Variants in DSCAM observed in about 807,000 individuals in gnomAD.
DSCAM encodes DS cell adhesion molecule, also known as cell adhesion molecule DSCAM.
In DSCAM, 47 loss-of-function variants were observed where a neutral mutation model predicts 217.7. That is an observed-to-expected ratio of 0.22 (90% CI 0.17 to 0.28). The LOEUF (loss-of-function observed/expected upper bound fraction) is 0.28. DSCAM is among the 10% of genes least tolerant of loss of function. The pLI, the probability that DSCAM is intolerant of heterozygous loss-of-function variation, is 1.00. For synonymous variants in DSCAM, 1,056 were observed against 1,015.3 expected, an observed-to-expected ratio of 1.04 and a Z score of -0.76; for missense variants, 2,080 against 2,618.3, an observed-to-expected ratio of 0.79 and a Z score of 4.49.
rs1328693082 is a variant in DSCAM at position 40,072,552 on chromosome 21, G to GTA, written c.4888+2484_4888+2485insTA. On this transcript the variant is annotated intron_variant, in intron 27 of 32. Transcript: ENST00000400454. ...TTTAGTAGAGACGGGGTTTCACCATGTTAGCCAGGATGGTCTCGATCTCCT... is the reference window on the plus strand; with the variant it reads ...TTTAGTAGAGACGGGGTTTCACCATGTATTAGCCAGGATGGTCTCGATCTCCT... 3.9e-5 allele frequency among the ~76,000 whole-genome samples: 6 copies of GTA among 152,062 alleles called. No homozygotes were observed. In the South Asian group the frequency reaches 6.2e-4, roughly 16 times the overall value.
At chr21:40,410,282 A>G (rs1399886357) in intron 3 of DSCAM, among the ~76,000 whole-genome samples, 2 of 152,062 alleles carry the variant, frequency 1.3e-5, no homozygotes, top group Non-Finnish European at 2.9e-5. Context: ...GAACTCATAA[A>G]CAACAATAGA....
intron 11 of DSCAM, among the ~76,000 whole-genome samples, chr21:40,200,511 C>T (rs188425796): frequency 8.0e-4 from 122 of 152,334 alleles, no homozygotes; most frequent in Admixed American, 2.7e-3. Flanking sequence ...AATTATATTT[C>T]AAGATATGTG....
At chr21:40,810,252 G>C (rs2091826373) in intron 1 of DSCAM, among the ~76,000 whole-genome samples, 1 of 152,224 alleles carries the variant, frequency 6.6e-6, no homozygotes, top group African/African-American at 2.4e-5. Flanking sequence ...TGAGGAGCTA[G>C]AACGTTGCAC....
chr21:40,773,649 G>C (rs1305433339), intron 1 of DSCAM, among the ~76,000 whole-genome samples: 8 of 152,200 alleles, frequency 5.3e-5, no homozygotes, highest in Non-Finnish European at 1.0e-4. Context: ...GTGCCTACAA[G>C]CCAAGGTAAG....
intron 2 of DSCAM, among the ~76,000 whole-genome samples, chr21:40,701,828 T>A (rs2090659822): frequency 6.6e-6 from 1 of 152,136 alleles, no homozygotes; most frequent in Non-Finnish European, 1.5e-5. Context: ...TTATCTGAGA[T>A]TTGTTTTGTT....
intron 28 of DSCAM, among the ~76,000 whole-genome samples, chr21:40,058,228 C>A (rs1264846232): frequency 1.3e-5 from 2 of 152,062 alleles, no homozygotes; most frequent in African/African-American, 4.8e-5. Flanking sequence ...TTAGAACACA[C>A]TTCCCCTGCT....
chr21:40,825,698 G>C (rs2837839), intron 1 of DSCAM, among the ~76,000 whole-genome samples: 113,991 of 152,040 alleles, frequency 0.75, 42,844 homozygotes, highest in East Asian at 0.94. Flanking sequence ...AATTACATGG[G>C]TAGTCAACAA....
chr21:40,728,092 C>T (rs1467114142), intron 1 of DSCAM, among the ~76,000 whole-genome samples: 2 of 152,308 alleles, frequency 1.3e-5, no homozygotes, highest in Non-Finnish European at 2.9e-5. Flanking sequence ...ACTACTGCAG[C>T]GCCCCCTCCG....
chr21:40,230,832 T>C (rs1034954468), intron 11 of DSCAM, among the ~76,000 whole-genome samples: 26 of 152,096 alleles, frequency 1.7e-4, no homozygotes, highest in Non-Finnish European at 3.7e-4. Context: ...GAGTGTTCCA[T>C]ACTTATGATT....
intron 8 of DSCAM, among the ~76,000 whole-genome samples, chr21:40,324,730 A>G (rs1200381853): frequency 6.6e-6 from 1 of 152,222 alleles, no homozygotes; most frequent in African/African-American, 2.4e-5. Context: ...ATACCTTCAT[A>G]CAGAAGACTG....
chr21:40,257,322 T>C (rs1372641407), intron 11 of DSCAM, among the ~76,000 whole-genome samples: 1 of 152,240 alleles, frequency 6.6e-6, no homozygotes, highest in Non-Finnish European at 1.5e-5. Flanking sequence ...GCTATCCAAA[T>C]AGTTGTTGTA....
chr21:40,256,997 C>T (rs1224315555), intron 11 of DSCAM, among the ~76,000 whole-genome samples: 1 of 152,222 alleles, frequency 6.6e-6, no homozygotes, highest in Non-Finnish European at 1.5e-5. Context: ...TGGTGATGTT[C>T]ATGCCTCTCC....
chr21:40,384,973 C>T (rs899129276), intron 3 of DSCAM: 1 of 151,976 alleles, frequency 6.6e-6, no homozygotes, highest in Non-Finnish European at 1.5e-5. Context: ...ATAAATAAAA[C>T]TTTACAGAAA....
At chr21:40,290,405 G>A (rs540175899) in intron 10 of DSCAM, among the ~76,000 whole-genome samples, 4 of 152,166 alleles carry the variant, frequency 2.6e-5, no homozygotes, top group East Asian at 3.9e-4. Context: ...GGTGGATCAC[G>A]AGGTCAGGAG....
At chr21:40,341,692 C>T (rs998207593) in intron 6 of DSCAM, among the ~76,000 whole-genome samples, 1 of 152,154 alleles carries the variant, frequency 6.6e-6, no homozygotes, top group Non-Finnish European at 1.5e-5. Context: ...ATAGAGTATG[C>T]ACGCTTTATA....
chr21:40,412,167 C>G (rs2075329311), intron 3 of DSCAM, among the ~76,000 whole-genome samples: 1 of 152,198 alleles, frequency 6.6e-6, no homozygotes, highest in Admixed American at 6.5e-5. Flanking sequence ...AGTTAAACCT[C>G]TTGCTTTTGT....
intron 10 of DSCAM, among the ~76,000 whole-genome samples, chr21:40,289,425 A>C (rs892662932): frequency 2.6e-5 from 4 of 152,282 alleles, no homozygotes; most frequent in Middle Eastern, 3.4e-3. Context: ...GCATTTGTAC[A>C]CAACAATCTT....
chr21:40,301,240 T>C (rs1165487551), intron 9 of DSCAM, among the ~76,000 whole-genome samples: 4 of 152,194 alleles, frequency 2.6e-5, no homozygotes, highest in Admixed American at 2.6e-4. Flanking sequence ...AAGACACAAA[T>C]TGGATGATGT....
rs762347094 is a variant in DSCAM at position 40,065,761 on chromosome 21, C to T, written c.4889-2862G>A. On this transcript the variant is annotated intron_variant, in intron 27 of 32. Coordinates refer to ENST00000400454, the MANE Select transcript of DSCAM (RefSeq NM_001389.5). ...CTAATCTCACTTATTAGTCAGCATC[C>T]TTACTGCTGGTGTGCCCAACACTGA... is the stretch of plus-strand genomic sequence containing the variant. Among the ~76,000 whole-genome samples, 22 of 152,170 alleles carry T rather than the reference C, an allele frequency of 1.4e-4. 1 individual carries two copies. The highest frequency in any genetic ancestry group is 6.5e-4 in the Admixed American group (10 of 15,274).
Sources: gnomAD v4.1 joint callset for allele counts (sites outside exome capture counted in the v4.1 genomes callset) on GRCh38, gnomAD v4.1.1 for gene constraint, MANE v1.5 for transcripts, NCBI Gene and HGNC (gene_info 2026-07-23, HGNC 2026-07-21) for gene names.